Variants in AVEN observed in about 807,000 individuals in gnomAD.
AVEN encodes apoptosis and caspase activation inhibitor.
Under a neutral mutation model 38.1 loss-of-function variants are expected in AVEN, and 41 were observed. The ratio of observed to expected loss-of-function variants is 1.08; its 90% CI spans 0.84 to 1.40. The LOEUF is 1.40. Ranked by LOEUF, AVEN falls within the 40% of genes most tolerant of loss-of-function variation. The pLI is 0.00. For missense variants in AVEN, 605 were observed against 438.8 expected (o/e 1.38, Z -3.38); for synonymous variants, 206 against 171.8 (o/e 1.20, Z -1.56).
At chr15:34,019,671 A>C (rs1293237502) in intron 1 of AVEN, among the ~76,000 whole-genome samples, 1 of 152,208 alleles carries the variant, frequency 6.6e-6, no homozygotes, top group Non-Finnish European at 1.5e-5. Context: ...ACACACAAAT[A>C]CTTACCATTG....
chr15:33,958,478 C>A lies in AVEN; in HGVS notation c.445+44554G>T, dbSNP rs150210041. 3.8e-4 allele frequency among the ~76,000 whole-genome samples: 58 copies of A among 151,974 alleles called. No homozygotes were observed. The East Asian group carries it at 9.5e-3, about 25-fold the overall frequency. ...TGGTAGCACACATCTGTAATCCCAG[C>A]TACTCAGGTGGCTGAGGGAGGAGAA... On this transcript the variant is annotated intron_variant, in intron 2 of 5. Transcript: ENST00000306730.
chr15:33,940,317 G>A (rs1036220750), intron 2 of AVEN, among the ~76,000 whole-genome samples: 1 of 152,138 alleles, frequency 6.6e-6, no homozygotes, highest in Non-Finnish European at 1.5e-5. Context: ...ATAGAGTAAT[G>A]CCAAATATTT....
intron 2 of AVEN, among the ~76,000 whole-genome samples, chr15:33,952,064 G>C (rs1484733869): frequency 2.0e-5 from 3 of 152,140 alleles, no homozygotes; most frequent in African/African-American, 7.2e-5. Context: ...AGATTATTCA[G>C]GGTTTATGTG....
At chr15:33,899,586 A>G (rs945303340) in intron 2 of AVEN, among the ~76,000 whole-genome samples, 23 of 147,566 alleles carry the variant, frequency 1.6e-4, no homozygotes, top group African/African-American at 5.8e-4. Flanking sequence ...TCTCCTGCTC[A>G]GCCTCCCGAG....
downstream of AVEN, chr15:33,854,718 A>G (rs1316058827): frequency 6.4e-6 from 10 of 1,559,490 alleles, no homozygotes; most frequent in Admixed American, 2.0e-5. Context: ...TATAATGAGC[A>G]CACTATGAGG....
chr15:33,857,997 T>G (rs1202158456), downstream of AVEN: 5 of 1,565,446 alleles, frequency 3.2e-6, no homozygotes, highest in African/African-American at 2.7e-5. Context: ...AAGGGCTGTG[T>G]GGGGGTGCTC....
rs1247813142 is a variant in AVEN, at chr15:34,039,164, A to G, written c.-118T>C. On this transcript the variant is annotated 5_prime_UTR_variant, in exon 1 of 6. Coordinates refer to ENST00000306730, the MANE Select transcript of AVEN (RefSeq NM_020371.3). ...GAGCGAAAGGCGCCCGGTAGCAGCGAGGCGCGGGGTGCGGGGCTAGGGATC... is the reference window on the plus strand; with the variant it reads ...GAGCGAAAGGCGCCCGGTAGCAGCGGGGCGCGGGGTGCGGGGCTAGGGATC... 2 of 883,024 alleles carry G rather than the reference A, an allele frequency of 2.3e-6. No homozygotes were observed. Among genetic ancestry groups the G allele is most frequent in the African/African-American group, 3.6e-5 (2 of 55,086 alleles). 54.7% of individuals were successfully genotyped at this position (883,024 alleles called of 1,614,324 possible).
intron 2 of AVEN, among the ~76,000 whole-genome samples, chr15:33,946,450 C>T (rs878947899): frequency 1.3e-5 from 2 of 152,154 alleles, no homozygotes; most frequent in African/African-American, 2.4e-5. Context: ...AACTGATAAT[C>T]GGGCAAGCAA....
At chr15:34,028,535 C>T (rs1428189539) in intron 1 of AVEN, among the ~76,000 whole-genome samples, 2 of 152,188 alleles carry the variant, frequency 1.3e-5, no homozygotes, top group Non-Finnish European at 2.9e-5. Flanking sequence ...ATGGGCACTC[C>T]AGCATGGGTA....
chr15:34,039,091 G>C lies in AVEN; in HGVS notation c.-45C>G. On this transcript the variant is annotated 5_prime_UTR_variant, in exon 1 of 6. Coordinates refer to ENST00000306730, the MANE Select transcript of AVEN (RefSeq NM_020371.3). ...CTGAGCGCGCGGGAGCCGAGCTGCGGCGGAGACGCCCTGGCCCCACCGGAA... is the reference window on the plus strand; with the variant it reads ...CTGAGCGCGCGGGAGCCGAGCTGCGCCGGAGACGCCCTGGCCCCACCGGAA... 1 of 1,072,244 alleles carries C rather than the reference G, an allele frequency of 9.3e-7. No homozygotes were observed. The highest frequency in any genetic ancestry group is 1.1e-6 in the Non-Finnish European group (1 of 886,590). The allele number at this position is 1,072,244 out of a possible 1,614,324, so 66.4% of individuals were successfully genotyped here. A position where few individuals can be genotyped will look rare whatever the true frequency, so the allele number is the denominator to read the frequency against.
At chr15:33,929,906 T>A (rs1893773831) in intron 2 of AVEN, among the ~76,000 whole-genome samples, 1 of 152,114 alleles carries the variant, frequency 6.6e-6, no homozygotes, top group Non-Finnish European at 1.5e-5. Context: ...GGGAACTGAA[T>A]AAAAAGTCTA....
intron 2 of AVEN, among the ~76,000 whole-genome samples, chr15:33,934,099 G>T (rs1893973270): frequency 6.6e-6 from 1 of 152,046 alleles, no homozygotes; most frequent in Admixed American, 6.6e-5. Flanking sequence ...TCAGGACCAG[G>T]TGTGGTGGCT....
intron 1 of AVEN, among the ~76,000 whole-genome samples, chr15:34,003,893 T>C (rs1285416982): frequency 1.3e-5 from 2 of 152,232 alleles, no homozygotes; most frequent in Admixed American, 1.3e-4. Flanking sequence ...AGATAGGTGA[T>C]TAATGAACAT....
chr15:34,038,198 C>T (rs1437659665), intron 1 of AVEN, among the ~76,000 whole-genome samples: 1 of 152,204 alleles, frequency 6.6e-6, no homozygotes, highest in Non-Finnish European at 1.5e-5. Flanking sequence ...AAGAGAACTA[C>T]GCTATTACAA....
the AVEN span, chr15:33,852,876 C>A: frequency 1.6e-6 from 1 of 620,550 alleles, no homozygotes; most frequent in Non-Finnish European, 2.9e-6. Context: ...ATACATGACT[C>A]AGTAGAGCCT....
At chr15:33,857,715 C>A, downstream of AVEN, 1 of 1,598,070 alleles carries the variant, frequency 6.3e-7, no homozygotes, top group South Asian at 1.1e-5. Context: ...CTTAGAGTCT[C>A]CTGTGAACCT....
chr15:33,891,931 A>G (rs4780190), intron 2 of AVEN, among the ~76,000 whole-genome samples: 5,663 of 152,262 alleles, frequency 0.037, 157 homozygotes, highest in Middle Eastern at 0.085. Flanking sequence ...TCTAACTGTC[A>G]TGAGATGGTA....
rs141669462 is a variant in AVEN at position 33,861,027 on chromosome 15, C to G, written n.2730-1933G>C. 2.7e-3 allele frequency: 3,544 copies of G among 1,315,072 alleles called. 10 individuals carry two copies. The highest frequency in any genetic ancestry group is 3.4e-3 in the Non-Finnish European group (3,195 of 931,216). The allele number at this position is 1,315,072 out of a possible 1,614,324, so 81.5% of individuals were successfully genotyped here. On this transcript the variant is annotated intron_variant and non_coding_transcript_variant, in intron 11 of 11. Transcript: ENST00000675287. ...CGATAGAATCATGACAGTTTTCTCT[C>G]CTGCCTATATTATGCCAACAAATGC...
chr15:34,026,934 T>G (rs1277465772), intron 1 of AVEN, among the ~76,000 whole-genome samples: 2 of 152,170 alleles, frequency 1.3e-5, no homozygotes, highest in Non-Finnish European at 2.9e-5. Flanking sequence ...ACATGATGTG[T>G]TTTGTCCCAA....
Sources: gnomAD v4.1 joint callset for allele counts (sites outside exome capture counted in the v4.1 genomes callset) on GRCh38, gnomAD v4.1.1 for gene constraint, MANE v1.5 for transcripts, NCBI Gene and HGNC (gene_info 2026-07-23, HGNC 2026-07-21) for gene names.